The following DHX57 variants were observed in gnomAD, a reference collection of about 807,000 sequenced individuals.
The protein encoded by DHX57 is DExH-box helicase 57, also known as putative ATP-dependent RNA helicase DHX57.
Under a neutral mutation model 156.2 loss-of-function variants are expected in DHX57, and 105 were observed. That is an observed-to-expected ratio of 0.67 (90% CI 0.57 to 0.79). DHX57 has a LOEUF of 0.79. Ranked by LOEUF, DHX57 falls within the 30% of genes least tolerant of loss-of-function variation. The probability of loss-of-function intolerance (pLI) is 0.00; values close to 1 mark genes in which losing one functional copy is unlikely to be tolerated. For missense variants in DHX57, 1,847 were observed against 1,661.9 expected (o/e 1.11, Z -1.94); for synonymous variants, 704 against 595.6 (o/e 1.18, Z -2.65).
At chr2:38,838,561 G>T (rs1671808766) in intron 12 of DHX57, among the ~76,000 whole-genome samples, 1 of 152,138 alleles carries the variant, frequency 6.6e-6, no homozygotes, top group Admixed American at 6.5e-5. Context: ...TTTATTGAAA[G>T]CTTAAGTTCT....
chr2:38,863,856 T>C (rs1664901043), intron 2 of DHX57, among the ~76,000 whole-genome samples: 1 of 151,754 alleles, frequency 6.6e-6, no homozygotes, highest in South Asian at 2.1e-4. Flanking sequence ...CTACTAAAAA[T>C]ACAAAAATTA....
At chr2:38,861,965 G>C (rs1172606475) in intron 4 of DHX57, 128 bp from the exon 5 acceptor site, 4 of 1,236,784 alleles carry the variant, frequency 3.2e-6, no homozygotes, top group Non-Finnish European at 4.4e-6. Context: ...TTTTGAAAAA[G>C]CATCCCTGAT....
Position 38,875,799 on chromosome 2 carries a change from G to C in DHX57, c.-19C>G, listed in dbSNP as rs561448069. 8 of 381,368 alleles carry C rather than the reference G, an allele frequency of 2.1e-5. No individual in the cohort carries two copies. In the East Asian group the frequency reaches 2.6e-4, roughly 12 times the overall value. The allele number at this position is 381,368 out of a possible 1,614,324, so 23.6% of individuals were successfully genotyped here. On this transcript the variant is annotated 5_prime_UTR_variant, in exon 1 of 24. Transcript: ENST00000457308. ...GTGGAAGACGTACCTGGCTCGCAGA[G>C]TTGGGTCCCGAGCCGGCTGTCGGGA...
At chr2:38,856,807 G>A (rs1173713728) in intron 6 of DHX57, 1 of 173,114 alleles carries the variant, frequency 5.8e-6, no homozygotes, top group African/African-American at 2.4e-5. Flanking sequence ...TATAGAGACA[G>A]AGTCTTGTTA....
At chr2:38,810,491 G>C in intron 21 of DHX57, 1 of 552,396 alleles carries the variant, frequency 1.8e-6, no homozygotes, top group South Asian at 1.4e-5. Flanking sequence ...TGAGGGAATT[G>C]ATGTTGATGA....
chr2:38,811,146 G>C (rs1236278767), intron 21 of DHX57: 1 of 524,388 alleles, frequency 1.9e-6, no homozygotes, highest in Non-Finnish European at 3.6e-6. Flanking sequence ...TTCCATGGGT[G>C]CTTCAGAGTG....
chr2:38,836,775 C>CAAAAAAAAAA (rs964200602), intron 13 of DHX57, among the ~76,000 whole-genome samples: 3 of 42,366 alleles, frequency 7.1e-5, no homozygotes, highest in South Asian at 7.8e-4. Context: ...GACCCTGTCT[C>CAAAAAAAAAA]AAAAAAAAAA....
At chr2:38,805,850 C>T (rs534094657) in intron 22 of DHX57, among the ~76,000 whole-genome samples, 2 of 152,152 alleles carry the variant, frequency 1.3e-5, no homozygotes, top group East Asian at 1.9e-4. Context: ...TTGGGGTCTG[C>T]GTCTGTGTGT....
chr2:38,823,878 G>C (rs1046629878), intron 16 of DHX57, among the ~76,000 whole-genome samples: 1 of 152,136 alleles, frequency 6.6e-6, no homozygotes, highest in Non-Finnish European at 1.5e-5. Flanking sequence ...CAGGCATGGT[G>C]ATGTGCACAT....
At chr2:38,839,703 G>A (rs1218253242) in intron 12 of DHX57, among the ~76,000 whole-genome samples, 1 of 149,242 alleles carries the variant, frequency 6.7e-6, no homozygotes, top group Non-Finnish European at 1.5e-5. Flanking sequence ...CTGGGCGACA[G>A]AGCAAGACTC....
rs771926728 is a variant in DHX57 at position 38,855,199 on chromosome 2, C to T, written c.1763G>A (p.Gly588Glu). ...GATGTTGGCTACCTTCTCAGGTGGTCCATTCAGAGAATCATCCAGAATAAA... is the reference window on the plus strand; with the variant it reads ...GATGTTGGCTACCTTCTCAGGTGGTTCATTCAGAGAATCATCCAGAATAAA... ...PQFILDDSLN[G>E]PPEKVANIIC... Residue 588 changes from glycine to glutamate, a missense_variant, in exon 8 of 24, where the codon GGA becomes GAA. Transcript: ENST00000457308. 4.3e-6 allele frequency: 7 copies of T among 1,613,962 alleles called. No individual in the cohort carries two copies. In the East Asian group the frequency reaches 1.6e-4, roughly 36 times the overall value.
At chr2:38,869,224 G>A (rs1327166963) in intron 1 of DHX57, among the ~76,000 whole-genome samples, 1 of 152,198 alleles carries the variant, frequency 6.6e-6, no homozygotes, top group Admixed American at 6.5e-5. Context: ...TCTGCCAAGG[G>A]CAAAAGGGAA....
chr2:38,805,218 G>A (rs1669883364), intron 22 of DHX57, among the ~76,000 whole-genome samples: 1 of 152,190 alleles, frequency 6.6e-6, no homozygotes, highest in Admixed American at 6.5e-5. Context: ...GGCTGAAAAG[G>A]CAGATGACCT....
chr2:38,875,883 T>C lies in DHX57; in HGVS notation c.-103A>G, dbSNP rs898379095. On this transcript the variant is annotated 5_prime_UTR_variant, in exon 1 of 24. Coordinates refer to ENST00000457308, the MANE Select transcript of DHX57 (RefSeq NM_198963.3). Reference sequence around the variant, plus strand: ...CTTGGCCACCCTCACGATTCTCACTTGGAGCAGCCCTGCGGTGGCCCAGCT... The same window carrying C: ...CTTGGCCACCCTCACGATTCTCACTCGGAGCAGCCCTGCGGTGGCCCAGCT... 1.8e-5 allele frequency: 7 copies of C among 395,856 alleles called. No homozygotes were observed. Among genetic ancestry groups the C allele is most frequent in the African/African-American group, 1.4e-4 (7 of 48,596 alleles). 24.5% of individuals were successfully genotyped at this position (395,856 alleles called of 1,614,324 possible).
intron 9 of DHX57, among the ~76,000 whole-genome samples, chr2:38,851,187 C>T (rs1417950702): frequency 1.3e-5 from 2 of 152,136 alleles, no homozygotes; most frequent in Non-Finnish European, 2.9e-5. Context: ...CTCTTTCTAC[C>T]ATATCCCTCT....
intron 22 of DHX57, among the ~76,000 whole-genome samples, chr2:38,804,198 A>T (rs1344110613): frequency 1.3e-5 from 2 of 152,128 alleles, no homozygotes; most frequent in Non-Finnish European, 2.9e-5. Flanking sequence ...ATCTTTTAAA[A>T]ACATAAGTCT....
chr2:38,869,105 C>T (rs1280980772), intron 1 of DHX57, among the ~76,000 whole-genome samples: 2 of 152,142 alleles, frequency 1.3e-5, no homozygotes, highest in Non-Finnish European at 2.9e-5. Context: ...CCCAGCCTAG[C>T]ATAGGATTTT....
intron 1 of DHX57, among the ~76,000 whole-genome samples, chr2:38,871,861 C>T (rs75369159): frequency 0.019 from 2,877 of 152,056 alleles, 99 homozygotes; most frequent in African/African-American, 0.061. Flanking sequence ...TGACCGCCGC[C>T]GGCTAAGTTT....
intron 21 of DHX57, among the ~76,000 whole-genome samples, chr2:38,809,112 A>G (rs1412449261): frequency 6.6e-6 from 1 of 151,934 alleles, no homozygotes; most frequent in Non-Finnish European, 1.5e-5. Context: ...TAATTTTTAA[A>G]AAGTTTTGCC....
Sources: allele counts gnomAD v4.1 joint callset (sites outside exome capture counted in the v4.1 genomes callset), GRCh38; gene constraint gnomAD v4.1.1; transcripts MANE v1.5; gene names NCBI Gene and HGNC (gene_info 2026-07-23, HGNC 2026-07-21).